PTPRN2: variants seen among roughly 807,000 people sequenced by gnomAD.
PTPRN2 encodes the protein protein tyrosine phosphatase receptor type N2, also known as receptor-type tyrosine-protein phosphatase N2.
In PTPRN2, 74 loss-of-function variants were observed where a neutral mutation model predicts 118.8. The ratio of observed to expected loss-of-function variants is 0.62; its 90% CI spans 0.52 to 0.76. PTPRN2 has a LOEUF of 0.76. Ranked by LOEUF, PTPRN2 falls within the 30% of genes least tolerant of loss-of-function variation. The pLI is 0.00. For synonymous variants in PTPRN2, 641 were observed against 608.0 expected (o/e 1.05, Z -0.80); for missense variants, 1,481 against 1,394.4 (o/e 1.06, Z -0.99).
intron 12 of PTPRN2, among the ~76,000 whole-genome samples, chr7:157,846,869 C>T (rs74430740): frequency 4.6e-5 from 5 of 107,996 alleles, no homozygotes; most frequent in Admixed American, 1.0e-4. Flanking sequence ...CACTCCATCA[C>T]GTGTGCCCGA....
chr7:157,642,553 G>C (rs901157946), intron 14 of PTPRN2, among the ~76,000 whole-genome samples: 1 of 152,054 alleles, frequency 6.6e-6, no homozygotes, highest in Non-Finnish European at 1.5e-5. Flanking sequence ...ATGAGTTCCC[G>C]AGCAGCCTGT....
chr7:157,809,636 C>T (rs115964250), intron 12 of PTPRN2, among the ~76,000 whole-genome samples: 1 of 152,136 alleles, frequency 6.6e-6, no homozygotes, highest in Non-Finnish European at 1.5e-5. Flanking sequence ...CAGACACGCC[C>T]CGAGGACGGA....
intron 11 of PTPRN2, among the ~76,000 whole-genome samples, chr7:158,012,028 A>T (rs2082735): frequency 0.79 from 120,047 of 152,076 alleles, 47,411 homozygotes; most frequent in East Asian, 0.82. Flanking sequence ...TGAGAAGAGC[A>T]TCCTTTTCTG....
chr7:158,362,442 G>A (rs1255138404), intron 2 of PTPRN2, among the ~76,000 whole-genome samples: 4 of 152,224 alleles, frequency 2.6e-5, no homozygotes, highest in Non-Finnish European at 5.9e-5. Flanking sequence ...GCCTAATTAA[G>A]GCAATGTGAC....
intron 11 of PTPRN2, among the ~76,000 whole-genome samples, chr7:157,996,364 T>C (rs917149674): frequency 6.6e-6 from 1 of 152,328 alleles, no homozygotes; most frequent in African/African-American, 2.4e-5. Context: ...AGCCCAGACT[T>C]CACCACTACA....
intron 11 of PTPRN2, among the ~76,000 whole-genome samples, chr7:157,952,423 G>GA (rs1800886418): frequency 8.4e-6 from 1 of 118,356 alleles, no homozygotes; most frequent in Non-Finnish European, 2.1e-5. Flanking sequence ...GGGACACGGG[G>GA]GGAGACAGGC....
Position 158,011,328 on chromosome 7 carries a change from G to T in PTPRN2, c.1723+69970C>A, listed in dbSNP as rs374114717. ...CGGTGATTGTTAAAAGTTGGTAGAG[G>T]CCTCTTCTCTATCATCTTTGTTTCA... On this transcript the variant is annotated intron_variant, in intron 11 of 22. Transcript: ENST00000389418. 5.9e-5 allele frequency among the ~76,000 whole-genome samples: 9 copies of T among 152,322 alleles called. No homozygotes were observed. In the East Asian group the frequency reaches 1.3e-3, roughly 23 times the overall value.
intron 1 of PTPRN2, among the ~76,000 whole-genome samples, chr7:158,522,341 G>A (rs1302513481): frequency 5.6e-5 from 7 of 125,050 alleles, no homozygotes; most frequent in African/African-American, 1.3e-4. Context: ...GGAGGTCCAC[G>A]TCACAATGGT....
chr7:158,274,312 G>A (rs1424180642), intron 3 of PTPRN2, among the ~76,000 whole-genome samples: 2 of 134,946 alleles, frequency 1.5e-5, no homozygotes, highest in African/African-American at 5.8e-5. Context: ...CACACAAGGA[G>A]CCGCAGCCAC....
In PTPRN2 at chr7:157,801,119, C is replaced by T. The variant is rs1585505624; in HGVS notation, c.1788+97554G>A. ...TATATATGCACATATATATGAATAC[C>T]CAATACCCAATCCACAGCTTTCTCT... On this transcript the variant is annotated intron_variant, in intron 12 of 22. Transcript: ENST00000389418. This position sits in a 1 kb window ranked among gnomAD's most constrained non-coding sequence, Gnocchi z 4.2. 1.3e-5 allele frequency among the ~76,000 whole-genome samples: 2 copies of T among 150,762 alleles called. No homozygotes were observed. Among genetic ancestry groups the T allele is most frequent in the Middle Eastern group, 6.9e-3 (2 of 290 alleles).
chr7:157,742,297 T>TG (rs1301874183), intron 12 of PTPRN2, among the ~76,000 whole-genome samples: 1 of 152,188 alleles, frequency 6.6e-6, no homozygotes, highest in African/African-American at 2.4e-5. Context: ...AACAGGTGAC[T>TG]GGGGTAACCA....
At chr7:157,586,301 T>C (rs1193796166) in intron 17 of PTPRN2, among the ~76,000 whole-genome samples, 1 of 152,124 alleles carries the variant, frequency 6.6e-6, no homozygotes, top group Non-Finnish European at 1.5e-5. Flanking sequence ...CTGAAGTCAT[T>C]TCCCCCCGCT....
intron 3 of PTPRN2, among the ~76,000 whole-genome samples, chr7:158,260,533 G>A (rs1196763861): frequency 6.6e-6 from 1 of 151,944 alleles, no homozygotes; most frequent in African/African-American, 2.4e-5. Context: ...AAGCCCAGAG[G>A]GCCTATAGAA....
Position 157,542,027 on chromosome 7 carries a change from G to C in PTPRN2, c.2977-1242C>G, listed in dbSNP as rs779693327. Among the ~76,000 whole-genome samples the C allele has an allele frequency of 3.9e-5, 6 of 152,268 alleles. 1 individual carries two copies. The South Asian group carries it at 1.2e-3, about 32-fold the overall frequency. On this transcript the variant is annotated intron_variant, in intron 22 of 22. Coordinates refer to ENST00000389418, the MANE Select transcript of PTPRN2 (RefSeq NM_002847.5). Reference sequence around the variant, plus strand: ...TGAGCCTGGCGGCCACCTCAGGGTGGGACCCGGGGAGATGTGTCTGCCTGC... The same window carrying C: ...TGAGCCTGGCGGCCACCTCAGGGTGCGACCCGGGGAGATGTGTCTGCCTGC...
intron 9 of PTPRN2, among the ~76,000 whole-genome samples, chr7:158,131,838 AACACAC>A (rs140758625): frequency 2.0e-5 from 3 of 147,778 alleles, no homozygotes; most frequent in African/African-American, 7.5e-5. Context: ...ACATCTACCC[AACACAC>A]ACACACACAA....
At chr7:157,842,103 A>T (rs957567553) in intron 12 of PTPRN2, among the ~76,000 whole-genome samples, 1 of 152,190 alleles carries the variant, frequency 6.6e-6, no homozygotes, top group Non-Finnish European at 1.5e-5. Context: ...GGAACCATGC[A>T]TCCATTTTAA....
intron 2 of PTPRN2, among the ~76,000 whole-genome samples, chr7:158,408,542 T>C (rs1813776123): frequency 6.6e-6 from 1 of 152,246 alleles, no homozygotes; most frequent in African/African-American, 2.4e-5. Flanking sequence ...CAGATGTTCA[T>C]TACTTATTTC....
intron 12 of PTPRN2, among the ~76,000 whole-genome samples, chr7:157,855,167 G>GCTGGCTGC: frequency 6.9e-6 from 1 of 145,146 alleles, no homozygotes; most frequent in South Asian, 2.3e-4. Context: ...GATCGGGGAG[G>GCTGGCTGC]ATGGCTGCAC....
chr7:158,072,100 A>AGGTTCCCGTGGTGG (rs1811972965), intron 11 of PTPRN2, among the ~76,000 whole-genome samples: 3 of 118,394 alleles, frequency 2.5e-5, no homozygotes, highest in African/African-American at 6.3e-5. Flanking sequence ...TGCTCGTAGT[A>AGGTTCCCGTGGTGG]TGGAGGTGCT....
Sources: gnomAD v4.1 joint callset for allele counts (sites outside exome capture counted in the v4.1 genomes callset) on GRCh38, gnomAD v4.1.1 for gene constraint, Gnocchi (gnomAD v3.1) non-coding constraint, MANE v1.5 for transcripts, NCBI Gene and HGNC (gene_info 2026-07-23, HGNC 2026-07-21) for gene names.